The following ARHGAP28 variants were observed in gnomAD, a reference collection of about 807,000 sequenced individuals.
The protein encoded by ARHGAP28 is Rho GTPase activating protein 28.
A neutral mutation model predicts 90.7 loss-of-function variants in ARHGAP28; 56 were observed. The ratio of observed to expected loss-of-function variants is 0.62; its 90% confidence interval spans 0.50 to 0.77. The LOEUF (loss-of-function observed/expected upper bound fraction) is 0.77, where lower values mean the gene tolerates loss of function less well. Ranked by LOEUF, ARHGAP28 falls within the 30% of genes least tolerant of loss-of-function variation. The pLI, the probability that ARHGAP28 is intolerant of heterozygous loss-of-function variation, is 0.00. For synonymous variants in ARHGAP28, 308 were observed against 323.3 expected (o/e 0.95, Z 0.51); for missense variants, 869 against 900.9 (o/e 0.96, Z 0.45).
intron 2 of ARHGAP28, among the ~76,000 whole-genome samples, chr18:6,829,262 T>TTCA (rs1462975641): frequency 6.6e-6 from 1 of 152,224 alleles, no homozygotes; most frequent in Non-Finnish European, 1.5e-5. Flanking sequence ...TAGCTAGCTA[T>TTCA]TCATATTAAA....
At chr18:6,832,343 G>A (rs2056722784) in intron 2 of ARHGAP28, among the ~76,000 whole-genome samples, 1 of 151,844 alleles carries the variant, frequency 6.6e-6, no homozygotes, top group Non-Finnish European at 1.5e-5. Context: ...TCTTGGTCAA[G>A]GTTCCATGTG....
At chr18:6,909,301 T>TTTTCTTTTCTTTTCTTTTCTTTTC (rs56989288) in intron 17 of ARHGAP28, among the ~76,000 whole-genome samples, 729 of 31,568 alleles carry the variant, frequency 0.023, 48 homozygotes, top group Middle Eastern at 0.053. Context: ...TTTTCTTTTC[T>TTTTCTTTTCTTTTCTTTTCTTTTC]TTTTTTTTTG....
At chr18:6,801,204 A>G (rs1351271861) in intron 1 of ARHGAP28, among the ~76,000 whole-genome samples, 1 of 152,128 alleles carries the variant, frequency 6.6e-6, no homozygotes, top group Admixed American at 6.6e-5. Context: ...GTATGGATGG[A>G]AGGCCTTTAA....
intron 2 of ARHGAP28, among the ~76,000 whole-genome samples, chr18:6,825,702 C>A (rs2056657567): frequency 6.6e-6 from 1 of 152,126 alleles, no homozygotes; most frequent in African/African-American, 2.4e-5. Flanking sequence ...TGAGAACATG[C>A]AGTATTTGGT....
At chr18:6,811,727 C>A (rs1008660648) in intron 1 of ARHGAP28, among the ~76,000 whole-genome samples, 1 of 151,086 alleles carries the variant, frequency 6.6e-6, no homozygotes, top group Admixed American at 6.6e-5. Context: ...GCTGTTTTTT[C>A]TTTTTTTTAA....
intron 12 of ARHGAP28, among the ~76,000 whole-genome samples, chr18:6,888,976 C>T (rs954537133): frequency 3.9e-5 from 6 of 152,176 alleles, no homozygotes; most frequent in Non-Finnish European, 8.8e-5. Flanking sequence ...CACTCCACCT[C>T]GGTCTCTTCA....
At chr18:6,743,520 C>T (rs2055996990) in intron 1 of ARHGAP28, among the ~76,000 whole-genome samples, 1 of 152,138 alleles carries the variant, frequency 6.6e-6, no homozygotes, top group Admixed American at 6.5e-5. Flanking sequence ...CCTTCCTTTA[C>T]AAAGTCTTCC....
chr18:6,807,703 G>T (rs1202283571), intron 1 of ARHGAP28, among the ~76,000 whole-genome samples: 1 of 152,184 alleles, frequency 6.6e-6, no homozygotes, highest in Admixed American at 6.5e-5. Flanking sequence ...ACTGAGGGTA[G>T]TTTCCATATA....
chr18:6,885,195 C>T (rs1809600864), intron 11 of ARHGAP28, among the ~76,000 whole-genome samples: 2 of 152,182 alleles, frequency 1.3e-5, no homozygotes, highest in African/African-American at 2.4e-5. Flanking sequence ...AGTCCACATT[C>T]CTTCGTATGA....
At chr18:6,865,034 A>T (rs2057028136) in intron 5 of ARHGAP28, among the ~76,000 whole-genome samples, 1 of 152,180 alleles carries the variant, frequency 6.6e-6, no homozygotes, top group South Asian at 2.1e-4. Context: ...AACTAACTTT[A>T]TTTAATTGTG....
intron 1 of ARHGAP28, among the ~76,000 whole-genome samples, chr18:6,759,722 A>C (rs2143320708): frequency 6.6e-6 from 1 of 152,314 alleles, no homozygotes; most frequent in South Asian, 2.1e-4. Context: ...TATCTTGAAA[A>C]ACTATGAAAG....
In ARHGAP28 at chr18:6,868,227, G is replaced by A. The variant is rs756753143; in HGVS notation, c.804G>A (p.Ala268=). ...SPEPGQPVQN[A]ISDDDFLEKN... ...AGCCTGGACAGCCAGTTCAGAATGC[G>A]ATAAGTGGTGAGCGGCATGCCTCCT... is the stretch of plus-strand genomic sequence containing the variant. Residue 268 remains alanine, a synonymous_variant, in exon 6 of 18, where the codon GCG becomes GCA. Transcript: ENST00000383472. The A allele has an allele frequency of 3.7e-5, 60 of 1,613,882 alleles. No individual in the cohort carries two copies. Among genetic ancestry groups the A allele is most frequent in the East Asian group, 1.3e-4 (6 of 44,894 alleles).
intron 9 of ARHGAP28, chr18:6,874,900 A>G (rs1417946273): frequency 6.6e-6 from 1 of 152,236 alleles, no homozygotes; most frequent in African/African-American, 2.4e-5. Flanking sequence ...CCTTTTACTG[A>G]TGAGGCAACT....
Position 6,890,452 on chromosome 18 carries a change from A to C in ARHGAP28, c.1757A>C (p.Gln586Pro), listed in dbSNP as rs1163145001. 9 of 1,612,006 alleles carry C rather than the reference A, an allele frequency of 5.6e-6. No homozygotes were observed. Among genetic ancestry groups the C allele is most frequent in the Non-Finnish European group, 6.8e-6 (8 of 1,178,946 alleles). The change falls in exon 14 of 18, where the codon CAA (glutamine) becomes CCA (proline). Residue 586 changes from glutamine to proline, a missense_variant. Physicochemically the swap from Gln to Pro is moderately conservative, Grantham distance 76. Coordinates refer to ENST00000383472, the MANE Select transcript of ARHGAP28 (RefSeq NM_001366230.1). Reference protein sequence around the residue: ...LWKVPSFLITQVRRMNEATML... With the variant: ...LWKVPSFLITPVRRMNEATML... ...CAGGTTCCATCTTTCTTAATCACTC[A>C]AGTAAGAAGAATGAATGAAGCCACG...
rs2056984644 is a variant in ARHGAP28 at position 6,859,917 on chromosome 18, A to G, written c.726+20A>G. On this transcript the variant is annotated intron_variant, in intron 5 of 17. Coordinates refer to ENST00000383472, the MANE Select transcript of ARHGAP28 (RefSeq NM_001366230.1). ...TCTGTGGTAAGTCATCCATGTCAGC[A>G]CAGTTACATGTCAAGGTACAGTTGC... 1 of 1,604,082 alleles carries G rather than the reference A, an allele frequency of 6.2e-7. No homozygotes were observed. The highest frequency in any genetic ancestry group is 8.5e-7 in the Non-Finnish European group (1 of 1,171,088).
At chr18:6,786,748 T>C (rs529621919) in intron 1 of ARHGAP28, among the ~76,000 whole-genome samples, 3 of 152,250 alleles carry the variant, frequency 2.0e-5, no homozygotes, top group Non-Finnish European at 4.4e-5. Context: ...TTGCTATGGC[T>C]ATTGATATAT....
chr18:6,845,057 A>G (rs113697788), intron 3 of ARHGAP28, among the ~76,000 whole-genome samples: 14 of 152,276 alleles, frequency 9.2e-5, no homozygotes, highest in Non-Finnish European at 1.9e-4. Context: ...AATTCCCACC[A>G]TAAGAAATAT....
chr18:6,899,373 G>A (rs556360582), intron 16 of ARHGAP28, among the ~76,000 whole-genome samples: 7 of 152,250 alleles, frequency 4.6e-5, no homozygotes, highest in South Asian at 2.1e-4. Flanking sequence ...CACCTCCCAC[G>A]TATCCCAGAC....
At chr18:6,824,690 A>T in intron 1 of ARHGAP28, 72 bp from the exon 2 acceptor site, 1 of 1,288,870 alleles carries the variant, frequency 7.8e-7, no homozygotes, top group Non-Finnish European at 1.0e-6. Flanking sequence ...AAACTTAATT[A>T]AATTTAATTT....
Sources: gnomAD v4.1 joint callset for allele counts (sites outside exome capture counted in the v4.1 genomes callset) on GRCh38, gnomAD v4.1.1 for gene constraint, MANE v1.5 for transcripts, NCBI Gene and HGNC (gene_info 2026-07-23, HGNC 2026-07-21) for gene names.